The following SPATA13 variants were observed in gnomAD, a reference collection of about 807,000 sequenced individuals.
SPATA13 encodes the protein spermatogenesis associated 13, also known as spermatogenesis-associated protein 13.
A neutral mutation model predicts 104.0 loss-of-function variants in SPATA13; 50 were observed. The ratio of observed to expected loss-of-function variants is 0.48; its 90% CI spans 0.38 to 0.61. SPATA13 has a LOEUF of 0.61. Ranked by LOEUF, SPATA13 falls within the 20% of genes least tolerant of loss-of-function variation. The probability of loss-of-function intolerance (pLI) is 0.00; values close to 1 mark genes in which losing one functional copy is unlikely to be tolerated. For synonymous variants in SPATA13, 606 were observed against 667.5 expected (o/e 0.91, Z 1.42); for missense variants, 1,524 against 1,690.6 (o/e 0.90, Z 1.73).
At chr13:24,248,298 C>T (rs2138658154) in intron 2 of SPATA13, among the ~76,000 whole-genome samples, 1 of 152,348 alleles carries the variant, frequency 6.6e-6, no homozygotes, top group Admixed American at 6.5e-5. Flanking sequence ...GCGTCTCATC[C>T]TTCTAAGGAC....
intron 4 of SPATA13, chr13:24,272,856 A>C (rs924181857): frequency 6.6e-6 from 1 of 152,336 alleles, no homozygotes; most frequent in Non-Finnish European, 1.5e-5. Context: ...GATTTATTCC[A>C]GCGCTGAGCG....
At chr13:24,210,198 T>G (rs967836310) in intron 1 of SPATA13, among the ~76,000 whole-genome samples, 5 of 152,222 alleles carry the variant, frequency 3.3e-5, no homozygotes, top group African/African-American at 1.2e-4. Flanking sequence ...ACTTGTTATA[T>G]GACTTGCACA....
At chr13:24,007,753 C>T (rs1876297668) in intron 2 of SPATA13, among the ~76,000 whole-genome samples, 1 of 152,212 alleles carries the variant, frequency 6.6e-6, no homozygotes, top group Non-Finnish European at 1.5e-5. Flanking sequence ...CAGGTGTGAG[C>T]CACCAAGCCC....
At chr13:24,143,448 G>T (rs769083962) in intron 3 of SPATA13, among the ~76,000 whole-genome samples, 2 of 152,348 alleles carry the variant, frequency 1.3e-5, no homozygotes, top group South Asian at 2.1e-4. Context: ...CGCAGCTGCT[G>T]GCAGTGCTCT....
intron 1 of SPATA13, among the ~76,000 whole-genome samples, chr13:24,165,865 T>G (rs1199616602): frequency 6.6e-6 from 1 of 152,218 alleles, no homozygotes; most frequent in Admixed American, 6.5e-5. Flanking sequence ...TTAGTCACCA[T>G]GGGTGATGTA....
intron 3 of SPATA13, among the ~76,000 whole-genome samples, chr13:24,059,761 C>T (rs747320440): frequency 6.6e-6 from 1 of 152,114 alleles, no homozygotes; most frequent in Non-Finnish European, 1.5e-5. Flanking sequence ...GAGACTATGG[C>T]GTTTCCTGGA....
intron 2 of SPATA13, among the ~76,000 whole-genome samples, chr13:23,991,862 A>T (rs991550149): frequency 6.6e-6 from 1 of 152,024 alleles, no homozygotes; most frequent in Non-Finnish European, 1.5e-5. Flanking sequence ...AAAATCTTCC[A>T]TGCCAAGCAG....
At chr13:24,031,249 A>G (rs994499054) in intron 3 of SPATA13, among the ~76,000 whole-genome samples, 16 of 152,186 alleles carry the variant, frequency 1.1e-4, no homozygotes, top group African/African-American at 3.4e-4. Flanking sequence ...AGTCTGTGGC[A>G]GTTTCTTAGG....
Position 24,306,224 on chromosome 13 carries a change from T to G in SPATA13, c.*3451T>G, listed in dbSNP as rs1239175653. 6.6e-6 allele frequency: 1 copy of G among 152,230 alleles called. No homozygotes were observed. The highest frequency in any genetic ancestry group is 1.5e-5 in the Non-Finnish European group (1 of 68,040). 9.4% of individuals were successfully genotyped at this position (152,230 alleles called of 1,614,324 possible). ...TTAATTCAAAATTTGGTTCACAATA[T>G]AAGTATTTTGTAAAAGCCAGCTGAA... On this transcript the variant is annotated 3_prime_UTR_variant, in exon 13 of 13. Coordinates refer to ENST00000382108, the MANE Select transcript of SPATA13 (RefSeq NM_001166271.3).
chr13:24,160,221 G>T (rs533249326), upstream of SPATA13, among the ~76,000 whole-genome samples: 2 of 152,302 alleles, frequency 1.3e-5, no homozygotes, highest in South Asian at 4.1e-4. Flanking sequence ...GTGGGGGCTG[G>T]CTGGTGGCTG....
At chr13:24,136,906 T>C (rs1242251605) in intron 3 of SPATA13, among the ~76,000 whole-genome samples, 29 of 105,938 alleles carry the variant, frequency 2.7e-4, no homozygotes, top group East Asian at 1.1e-3. Flanking sequence ...CTCGGCTCAC[T>C]GCAAGCTCCG....
chr13:24,000,873 C>T (rs1451044018), intron 2 of SPATA13, among the ~76,000 whole-genome samples: 8 of 151,868 alleles, frequency 5.3e-5, no homozygotes, highest in African/African-American at 1.2e-4. Context: ...AGTGTAAATT[C>T]GGCAGAGCCT....
At chr13:24,081,471 A>G (rs999980248) in intron 3 of SPATA13, among the ~76,000 whole-genome samples, 3 of 152,132 alleles carry the variant, frequency 2.0e-5, no homozygotes, top group Admixed American at 6.5e-5. Flanking sequence ...TCATAAACTC[A>G]CATCAATAGT....
chr13:24,152,250 G>A (rs954957924), intron 3 of SPATA13, among the ~76,000 whole-genome samples: 3 of 152,220 alleles, frequency 2.0e-5, no homozygotes, highest in African/African-American at 7.2e-5. Flanking sequence ...CACTTTGTGG[G>A]AGGGGCACGG....
At chr13:24,033,690 G>A (rs944560945) in intron 3 of SPATA13, 10 of 152,374 alleles carry the variant, frequency 6.6e-5, no homozygotes, top group East Asian at 1.9e-4. Context: ...GCTAAGCACA[G>A]CGAAGTAGGG....
At chr13:24,203,619 C>T (rs1870542077) in intron 1 of SPATA13, among the ~76,000 whole-genome samples, 1 of 152,164 alleles carries the variant, frequency 6.6e-6, no homozygotes, top group African/African-American at 2.4e-5. Flanking sequence ...TGGATTCCTG[C>T]AGGCAAGAAT....
At chr13:24,107,696 T>G (rs76842799) in intron 3 of SPATA13, among the ~76,000 whole-genome samples, 1,945 of 152,298 alleles carry the variant, frequency 0.013, 48 homozygotes, top group African/African-American at 0.044. Context: ...TCAGTTTTTA[T>G]TGAAACTATA....
At chr13:24,282,962 T>G (rs1197367045) in intron 4 of SPATA13, among the ~76,000 whole-genome samples, 1 of 152,208 alleles carries the variant, frequency 6.6e-6, no homozygotes, top group Non-Finnish European at 1.5e-5. Context: ...TCCTGTGGCT[T>G]CCTTTCTCCA....
At chr13:24,287,496 C>G (rs1009998578) in intron 7 of SPATA13, among the ~76,000 whole-genome samples, 7 of 152,202 alleles carry the variant, frequency 4.6e-5, no homozygotes, top group African/African-American at 1.7e-4. Context: ...CTATCTCTAT[C>G]AGGACCTAAT....
Sources: gnomAD v4.1 joint callset for allele counts (sites outside exome capture counted in the v4.1 genomes callset) on GRCh38, gnomAD v4.1.1 for gene constraint, MANE v1.5 for transcripts, NCBI Gene and HGNC (gene_info 2026-07-23, HGNC 2026-07-21) for gene names.